Variants in BBS5 observed in about 807,000 individuals in gnomAD.
The protein encoded by BBS5 is Bardet-Biedl syndrome 5.
In BBS5, 39 loss-of-function variants were observed where a neutral mutation model predicts 50.2. That is an observed-to-expected ratio of 0.78 (90% CI 0.60 to 1.01). The LOEUF is 1.01. Among genes scored for constraint, BBS5 ranks in the 50% least tolerant of loss-of-function variants. The pLI is 0.00. For synonymous variants in BBS5, 134 were observed against 133.1 expected (o/e 1.01, Z -0.05); for missense variants, 356 against 401.5 (o/e 0.89, Z 0.97).
chr2:169,505,383 T>G lies in BBS5; in HGVS notation c.*801T>G, dbSNP rs1324775425. 2.9e-6 allele frequency: 1 copy of G among 348,954 alleles called. No individual in the cohort carries two copies. Among genetic ancestry groups the G allele is most frequent in the South Asian group, 2.3e-5 (1 of 44,066 alleles). 21.6% of individuals were successfully genotyped at this position (348,954 alleles called of 1,614,324 possible). ...GCCTCTGCCCGGCCGCCACCCCGTC[T>G]GGGAAGTGAGGAGCGTCTCTGCCTG... On this transcript the variant is annotated 3_prime_UTR_variant, in exon 12 of 12. Coordinates refer to ENST00000295240, the MANE Select transcript of BBS5 (RefSeq NM_152384.3).
chr2:169,482,139 G>T, intron 1 of BBS5, 112 bp from the exon 2 acceptor site: 2 of 772,666 alleles, frequency 2.6e-6, no homozygotes, highest in South Asian at 1.4e-5. Context: ...ATTTGGTACA[G>T]TATTATTTAT....
In BBS5 at chr2:169,504,700, A is replaced by G; in HGVS notation, c.*118A>G. The G allele has an allele frequency of 1.7e-6, 2 of 1,190,318 alleles. No homozygotes were observed. Among genetic ancestry groups the G allele is most frequent in the Non-Finnish European group, 2.4e-6 (2 of 827,304 alleles). 73.7% of individuals were successfully genotyped at this position (1,190,318 alleles called of 1,614,324 possible). On this transcript the variant is annotated 3_prime_UTR_variant, in exon 12 of 12. Coordinates refer to ENST00000295240, the MANE Select transcript of BBS5 (RefSeq NM_152384.3). Reference sequence around the variant, plus strand: ...TACAGCTTTTATATTTAAAACTTGTAAGAGTTTTTTTAATGATTGAGGAAA... The same window carrying G: ...TACAGCTTTTATATTTAAAACTTGTGAGAGTTTTTTTAATGATTGAGGAAA...
chr2:169,479,909 G>C (rs965672956), intron 1 of BBS5, among the ~76,000 whole-genome samples: 1 of 152,238 alleles, frequency 6.6e-6, no homozygotes, highest in Non-Finnish European at 1.5e-5. Context: ...GAGCACGACC[G>C]GGGCCACCCG....
intron 7 of BBS5, among the ~76,000 whole-genome samples, chr2:169,494,920 C>T (rs1434056981): frequency 6.6e-6 from 1 of 152,126 alleles, no homozygotes; most frequent in African/African-American, 2.4e-5. Flanking sequence ...GGAAAGAATT[C>T]CTGGCCCATG....
Position 169,504,292 on chromosome 2 carries a change from T to G in BBS5, c.901-11T>G. ...TCCAGTTTGTGAAATAGAATTTTCT[T>G]TGTCTTACAGGCTTATTTTGCTGAT... On this transcript the variant is annotated splice_polypyrimidine_tract_variant and intron_variant, in intron 10 of 11. Transcript: ENST00000295240. 1 of 1,612,312 alleles carries G rather than the reference T, an allele frequency of 6.2e-7. No individual in the cohort carries two copies. The highest frequency in any genetic ancestry group is 8.5e-7 in the Non-Finnish European group (1 of 1,178,404).
Position 169,493,557 on chromosome 2 carries a change from G to A in BBS5, c.523-184G>A, listed in dbSNP as rs12465387. ...TAGGTACTAATGGTTTAATGATTAG[G>A]CAGCCTGACTCCAAAGTCCAGGCTG... On this transcript the variant is annotated intron_variant, in intron 6 of 11. Coordinates refer to ENST00000295240, the MANE Select transcript of BBS5 (RefSeq NM_152384.3). Among the ~76,000 whole-genome samples the A allele has an allele frequency of 0.072, 10,892 of 152,192 alleles. 551 individuals are homozygous for A. The highest frequency in any genetic ancestry group is 0.22 in the South Asian group (1,039 of 4,824).
chr2:169,499,206 T>A, intron 8 of BBS5: 1 of 369,104 alleles, frequency 2.7e-6, no homozygotes, highest in Non-Finnish European at 5.0e-6. Flanking sequence ...TAAGCCTGCG[T>A]TGGGGGAATG....
At position 169,488,093 on chromosome 2, in the gene BBS5, C is replaced by A. The variant is rs74271896; in HGVS notation, c.365C>A (p.Thr122Asn). Reference sequence around the variant, plus strand: ...GTTCCTGGAAGCCCTAGACTTTTTACTTCTGTGATGGCAGTACACAGGTAT... The same window carrying A: ...GTTCCTGGAAGCCCTAGACTTTTTAATTCTGTGATGGCAGTACACAGGTAT... ...NLVPGSPRLF[T>N]SVMAVHRAYE... The change falls in exon 5 of 12, where the codon ACT (threonine) becomes AAT (asparagine). Residue 122 changes from threonine to asparagine, a missense_variant. Thr to Asn is a moderately conservative substitution (Grantham distance 65, BLOSUM62 0). Coordinates refer to ENST00000295240, the MANE Select transcript of BBS5 (RefSeq NM_152384.3). 35 of 1,612,990 alleles carry A rather than the reference C, an allele frequency of 2.2e-5. No individual in the cohort carries two copies. The East Asian group carries it at 7.8e-4, about 36-fold the overall frequency.
intron 5 of BBS5, among the ~76,000 whole-genome samples, chr2:169,489,058 C>A (rs752631626): frequency 5.3e-5 from 8 of 151,924 alleles, no homozygotes; most frequent in Non-Finnish European, 1.0e-4. Context: ...GTGGTGCAGT[C>A]ATAACTCACT....
chr2:169,492,623 A>G (rs1200364075), intron 5 of BBS5, among the ~76,000 whole-genome samples: 3 of 152,212 alleles, frequency 2.0e-5, no homozygotes, highest in Non-Finnish European at 4.4e-5. Flanking sequence ...ACATGCCTAT[A>G]GTCCCAGCTA....
intron 5 of BBS5, among the ~76,000 whole-genome samples, chr2:169,492,362 C>A (rs1056499609): frequency 1.1e-4 from 16 of 151,778 alleles, no homozygotes; most frequent in Non-Finnish European, 2.4e-4. Context: ...TGGTGTCGTG[C>A]GCCTATAGTC....
intron 8 of BBS5, among the ~76,000 whole-genome samples, chr2:169,498,856 C>T (rs552173518): frequency 1.2e-3 from 188 of 151,456 alleles, no homozygotes; most frequent in African/African-American, 4.5e-3. Context: ...TTCTAAGTAT[C>T]CTACAGCTAG....
chr2:169,503,286 T>A, intron 10 of BBS5, 108 bp downstream of exon 10: 1 of 890,876 alleles, frequency 1.1e-6, no homozygotes, highest in Non-Finnish European at 1.8e-6. Flanking sequence ...ATTTTGATGG[T>A]GTCTTAAACC....
chr2:169,504,436 G>A (rs1683864390), intron 11 of BBS5, 45 bp from the exon 12 acceptor site: 1 of 1,589,356 alleles, frequency 6.3e-7, no homozygotes, highest in Admixed American at 1.7e-5. Flanking sequence ...CCTCTTCCTT[G>A]CCCACCTTCT....
chr2:169,503,409 C>T (rs1013295484), intron 10 of BBS5, among the ~76,000 whole-genome samples: 22 of 152,124 alleles, frequency 1.4e-4, no homozygotes, highest in African/African-American at 3.6e-4. Context: ...CCTGTAAGCC[C>T]GGCACTTTGG....
chr2:169,505,206 C>G lies in BBS5; in HGVS notation c.*624C>G, dbSNP rs985165400. On this transcript the variant is annotated 3_prime_UTR_variant, in exon 12 of 12. Transcript: ENST00000295240. Reference sequence around the variant, plus strand: ...TCCTAACCGCGAGTGATCCGCCAGCCTCGGCCTCCCGAGGTGCCGGGATTG... The same window carrying G: ...TCCTAACCGCGAGTGATCCGCCAGCGTCGGCCTCCCGAGGTGCCGGGATTG... 5.7e-6 allele frequency: 3 copies of G among 524,376 alleles called. No homozygotes were observed. Among genetic ancestry groups the G allele is most frequent in the Admixed American group, 5.8e-5 (2 of 34,664 alleles). 32.5% of individuals were successfully genotyped at this position (524,376 alleles called of 1,614,324 possible). A position where few individuals can be genotyped will look rare whatever the true frequency, so the allele number is the denominator to read the frequency against.
At chr2:169,494,297 C>T (rs745509734) in intron 7 of BBS5, among the ~76,000 whole-genome samples, 14 of 152,052 alleles carry the variant, frequency 9.2e-5, no homozygotes, top group Non-Finnish European at 2.9e-5. Context: ...ATTAATTCTG[C>T]GAATGAACTG....
At chr2:169,498,144 C>T (rs767624206) in intron 8 of BBS5, among the ~76,000 whole-genome samples, 1 of 152,164 alleles carries the variant, frequency 6.6e-6, no homozygotes, top group Non-Finnish European at 1.5e-5. Flanking sequence ...GAAACACAAA[C>T]ATATATTTGT....
rs1490202191 is a variant in BBS5 at position 169,505,012 on chromosome 2, T to C, written c.*430T>C. 6.3e-7 allele frequency: 1 copy of C among 1,598,426 alleles called. No homozygotes were observed. Among genetic ancestry groups the C allele is most frequent in the Non-Finnish European group, 8.5e-7 (1 of 1,170,208 alleles). ...AACTTCTTCCCAAAATGGCCGAAGC[T>C]GGACTGTACTGCTGCCATCTCTGGC... On this transcript the variant is annotated 3_prime_UTR_variant, in exon 12 of 12. Coordinates refer to ENST00000295240, the MANE Select transcript of BBS5 (RefSeq NM_152384.3).
Sources: gnomAD v4.1 joint callset for allele counts (sites outside exome capture counted in the v4.1 genomes callset) on GRCh38, gnomAD v4.1.1 for gene constraint, MANE v1.5 for transcripts, NCBI Gene and HGNC (gene_info 2026-07-23, HGNC 2026-07-21) for gene names.